The following ABI2 variants were observed in gnomAD, a reference collection of about 807,000 sequenced individuals.
ABI2 encodes the protein abelson interactor 2.
A neutral mutation model predicts 59.2 loss-of-function variants in ABI2; 25 were observed. That is an observed-to-expected ratio of 0.42 (90% CI 0.31 to 0.59). The LOEUF is 0.59. Ranked by LOEUF, ABI2 falls within the 20% of genes least tolerant of loss-of-function variation. The pLI, the probability that ABI2 is intolerant of heterozygous loss-of-function variation, is 0.14. For synonymous variants in ABI2, 213 were observed against 235.5 expected (o/e 0.90, Z 0.87); for missense variants, 545 against 681.8 (o/e 0.80, Z 2.23).
At chr2:203,377,050 G>A (rs1212476612) in intron 2 of ABI2, among the ~76,000 whole-genome samples, 2 of 152,156 alleles carry the variant, frequency 1.3e-5, no homozygotes, top group African/African-American at 2.4e-5. Flanking sequence ...AGGCATAGTG[G>A]CTCATGCCTA....
chr2:203,361,503 T>G (rs960315206), intron 1 of ABI2, among the ~76,000 whole-genome samples: 3 of 152,084 alleles, frequency 2.0e-5, no homozygotes, highest in Non-Finnish European at 4.4e-5. Context: ...GGTGGTTTGC[T>G]GCACTGAATT....
At chr2:203,351,459 T>G (rs541732524) in intron 1 of ABI2, 1 of 389,056 alleles carries the variant, frequency 2.6e-6, no homozygotes, top group East Asian at 7.6e-5. Context: ...TTCTGATCCA[T>G]GAACATGGAT....
In ABI2 at chr2:203,350,195, A is replaced by G. The variant is rs113825438; in HGVS notation, c.118-16682A>G. On this transcript the variant is annotated intron_variant, in intron 1 of 11. Transcript: ENST00000261018. ...GGATTCAAGCCATTCTCATGCCTCA[A>G]CCTTTTGAGTAGCTGGGATTATGGG... Among the ~76,000 whole-genome samples, 101 of 152,174 alleles carry G rather than the reference A, an allele frequency of 6.6e-4. 1 individual carries two copies. The highest frequency in any genetic ancestry group is 3.4e-3 in the Middle Eastern group (1 of 294).
Position 203,328,621 on chromosome 2 carries a change from A to G in ABI2, c.107A>G (p.Asn36Ser), listed in dbSNP as rs2070048589. 2 of 1,596,098 alleles carry G rather than the reference A, an allele frequency of 1.3e-6. No individual in the cohort carries two copies. Among genetic ancestry groups the G allele is most frequent in the South Asian group, 1.1e-5 (1 of 89,642 alleles). The change falls in exon 1 of 12, where the codon AAC (asparagine) becomes AGC (serine). Residue 36 changes from asparagine (N) to serine (S), a missense_variant. Physicochemically the swap from Asn to Ser is conservative, Grantham distance 46. This residue lies in a region of ABI2 where 55 missense variants were observed against 59.7 expected (regional missense o/e 0.92). Transcript: ENST00000261018. Reference protein sequence around the residue: ...LERVADYCENNYIQSADKQRA... With the variant: ...LERVADYCENSYIQSADKQRA... ...CGGGTGGCCGATTACTGCGAGAACA[A>G]CTACATACAGGTGCGAAGCATCCCC...
chr2:203,407,611 G>T (rs993209605), intron 9 of ABI2, among the ~76,000 whole-genome samples: 1 of 152,144 alleles, frequency 6.6e-6, no homozygotes, highest in Non-Finnish European at 1.5e-5. Context: ...CATCATTTAG[G>T]TTTGGATTGC....
chr2:203,343,296 G>A (rs1400467785), intron 1 of ABI2, among the ~76,000 whole-genome samples: 2 of 152,168 alleles, frequency 1.3e-5, no homozygotes, highest in Non-Finnish European at 2.9e-5. Flanking sequence ...CTCGGGAAGC[G>A]GAGGTTGCAG....
chr2:203,421,376 A>G lies in ABI2; in HGVS notation c.1453+4295A>G, dbSNP rs373977202. On this transcript the variant is annotated intron_variant, in intron 11 of 11. Coordinates refer to ENST00000261018, the MANE Select transcript of ABI2 (RefSeq NM_001375670.1). ...CCAAAAATCAAATAACGTATCTTCA[A>G]AAATCATGTTTGATGATGTATCATC... Among the ~76,000 whole-genome samples the G allele has an allele frequency of 8.5e-5, 13 of 152,352 alleles. No individual in the cohort carries two copies. In the East Asian group the frequency reaches 1.5e-3, roughly 18 times the overall value.
chr2:203,329,293 CTA>C (rs1412222259), intron 1 of ABI2: 1 of 106,382 alleles, frequency 9.4e-6, no homozygotes, highest in African/African-American at 2.8e-5. Context: ...GGAGGACAGA[CTA>C]TGACTGTTTC....
At chr2:203,337,444 G>A (rs2076968269) in intron 1 of ABI2, among the ~76,000 whole-genome samples, 1 of 152,096 alleles carries the variant, frequency 6.6e-6, no homozygotes, top group African/African-American at 2.4e-5. Flanking sequence ...GGAGGTGAAA[G>A]GTCTGTACAC....
intron 4 of ABI2, among the ~76,000 whole-genome samples, chr2:203,384,273 C>A (rs1180376411): frequency 7.7e-6 from 1 of 129,364 alleles, no homozygotes; most frequent in South Asian, 2.4e-4. Context: ...CTGTTCCATA[C>A]TCTTGTTTTT....
At position 203,328,584 on chromosome 2, in the gene ABI2, A is replaced by G; in HGVS notation, c.70A>G (p.Thr24Ala). The change falls in exon 1 of 12, where the codon ACA becomes GCA. Residue 24 changes from threonine to alanine, a missense_variant. Thr to Ala is a moderately conservative substitution (Grantham distance 58, BLOSUM62 0). This residue lies in a region of ABI2 where 55 missense variants were observed against 59.7 expected (regional missense o/e 0.92). Coordinates refer to ENST00000261018, the MANE Select transcript of ABI2 (RefSeq NM_001375670.1). ...GGRRALFDSYTNLERVADYCE... is the reference protein window; with the variant it reads ...GGRRALFDSYANLERVADYCE... ...CCGCCGGGCCCTCTTCGACAGCTAC[A>G]CAAATCTGGAACGGGTGGCCGATTA... 1 of 1,605,048 alleles carries G rather than the reference A, an allele frequency of 6.2e-7. No homozygotes were observed. Among genetic ancestry groups the G allele is most frequent in the Non-Finnish European group, 8.5e-7 (1 of 1,176,016 alleles).
intron 8 of ABI2, among the ~76,000 whole-genome samples, chr2:203,400,679 G>C (rs543296480): frequency 1.8e-4 from 27 of 152,256 alleles, no homozygotes; most frequent in African/African-American, 6.3e-4. Flanking sequence ...CAAGCCTTGA[G>C]TGCTCTTATA....
chr2:203,359,873 T>C (rs1341462950), intron 1 of ABI2, among the ~76,000 whole-genome samples: 1 of 151,980 alleles, frequency 6.6e-6, no homozygotes, highest in Admixed American at 6.6e-5. Flanking sequence ...ATTCAGACTA[T>C]AGCAATGAAT....
At chr2:203,424,543 C>T (rs1416622523) in intron 11 of ABI2, among the ~76,000 whole-genome samples, 1 of 152,062 alleles carries the variant, frequency 6.6e-6, no homozygotes. Context: ...CACAGACGTG[C>T]ACCACCATGC....
At position 203,400,906 on chromosome 2, in the gene ABI2, G is replaced by A. The variant is rs183799598; in HGVS notation, c.1034-1670G>A. ...ACTCAGCTGAGAAATATGAAGCCTG[G>A]AAGAGGATATGACTGCAGTGTTTGA... On this transcript the variant is annotated intron_variant, in intron 8 of 11. Transcript: ENST00000261018. Among the ~76,000 whole-genome samples, 35 of 152,286 alleles carry A rather than the reference G, an allele frequency of 2.3e-4. No individual in the cohort carries two copies. The East Asian group carries it at 5.8e-3, about 25-fold the overall frequency.
intron 3 of ABI2, among the ~76,000 whole-genome samples, chr2:203,380,588 C>T (rs942403972): frequency 2.6e-5 from 4 of 152,026 alleles, no homozygotes. Flanking sequence ...AAACAGTCAT[C>T]TTTGAATGAA....
chr2:203,350,509 G>C (rs7355645), intron 1 of ABI2, among the ~76,000 whole-genome samples: 111,713 of 151,144 alleles, frequency 0.74, 42,328 homozygotes, highest in Middle Eastern at 0.87. Context: ...ACTACCACAT[G>C]TGGTTACTAT....
At chr2:203,402,173 T>TA (rs555915585) in intron 8 of ABI2, among the ~76,000 whole-genome samples, 3 of 152,000 alleles carry the variant, frequency 2.0e-5, no homozygotes, top group Non-Finnish European at 4.4e-5. Flanking sequence ...TAGCTGGAAT[T>TA]ACAGGCGCAC....
intron 1 of ABI2, among the ~76,000 whole-genome samples, chr2:203,349,916 A>G (rs555463085): frequency 6.6e-6 from 1 of 152,278 alleles, no homozygotes; most frequent in African/African-American, 2.4e-5. Flanking sequence ...TATACCTAAG[A>G]GTAGAATTGC....
Sources: gnomAD v4.1 joint callset for allele counts (sites outside exome capture counted in the v4.1 genomes callset) on GRCh38, gnomAD v4.1.1 for gene constraint, gnomAD v4.1.1 regional missense constraint, MANE v1.5 for transcripts, NCBI Gene and HGNC (gene_info 2026-07-23, HGNC 2026-07-21) for gene names.